LMF1: variants seen among roughly 807,000 people sequenced by gnomAD.
The protein encoded by LMF1 is transmembrane protein 112.
A neutral mutation model predicts 60.6 loss-of-function variants in LMF1; 68 were observed. The ratio of observed to expected loss-of-function variants is 1.12; its 90% CI spans 0.92 to 1.37. LMF1 has a LOEUF of 1.37. LMF1 is among the 40% of genes most tolerant of loss of function. The pLI is 0.00. For missense variants in LMF1, 948 were observed against 767.2 expected, an observed-to-expected ratio of 1.24 and a Z score of -2.78; for synonymous variants, 418 against 324.7, an observed-to-expected ratio of 1.29 and a Z score of -3.09.
In LMF1 at chr16:970,921, A is replaced by G. The variant is rs1216456142; in HGVS notation, c.60T>C (p.Thr20=). 6.3e-7 allele frequency: 1 copy of G among 1,576,834 alleles called. No homozygotes were observed. The highest frequency in any genetic ancestry group is 8.6e-7 in the Non-Finnish European group (1 of 1,161,028). ...APAESLRRRK[T]GYSDPEPESP... ...ACTCAGGCTCCGGATCCGAGTACCC[A>G]GTCTTCCGCCTCCTCAGCGACTCCG... Residue 20 remains threonine (T), a synonymous_variant, in exon 1 of 11, where the codon ACT becomes ACC. Coordinates refer to ENST00000262301, the MANE Select transcript of LMF1 (RefSeq NM_022773.4).
chr16:947,074 C>A (rs1278837450), intron 2 of LMF1, among the ~76,000 whole-genome samples: 2 of 152,220 alleles, frequency 1.3e-5, no homozygotes, highest in African/African-American at 2.4e-5. Flanking sequence ...CACACAGCAA[C>A]AGGATCAGGC....
At chr16:967,185 G>GC (rs947711314) in intron 1 of LMF1, among the ~76,000 whole-genome samples, 2 of 152,214 alleles carry the variant, frequency 1.3e-5, no homozygotes, top group African/African-American at 4.8e-5. Flanking sequence ...ACCTGGCCAG[G>GC]CCCCCTGGGA....
At chr16:930,799 C>T (rs889438241) in intron 3 of LMF1, among the ~76,000 whole-genome samples, 4 of 152,194 alleles carry the variant, frequency 2.6e-5, no homozygotes, top group African/African-American at 9.7e-5. Flanking sequence ...GGATCTTTGA[C>T]TGGCAGCCTC....
upstream of LMF1, chr16:975,625 A>T: frequency 2.7e-6 from 1 of 367,690 alleles, no homozygotes; most frequent in Admixed American, 3.6e-5. Flanking sequence ...GCTTTGCTGA[A>T]GGCTGTTGTC....
In LMF1 at chr16:871,199, T is replaced by C; in HGVS notation, c.1040A>G (p.Gln347Arg). Reference sequence around the variant, plus strand: ...GGGCCGGGCCCCTCGGATGTCCCTCTGCATCTGCAGAACTCGGTCCTTCAG... The same window carrying C: ...GGGCCGGGCCCCTCGGATGTCCCTCCGCATCTGCAGAACTCGGTCCTTCAG... ...GSLKDRVLQM[Q>R]RDIRGARPEP... Residue 347 changes from glutamine to arginine, a missense_variant, in exon 7 of 11, where the codon CAG becomes CGG. Transcript: ENST00000262301. 6.2e-7 allele frequency: 1 copy of C among 1,610,110 alleles called. No homozygotes were observed. The highest frequency in any genetic ancestry group is 8.5e-7 in the Non-Finnish European group (1 of 1,178,826).
chr16:972,871 T>C (rs1442061900), upstream of LMF1, among the ~76,000 whole-genome samples: 3 of 152,178 alleles, frequency 2.0e-5, no homozygotes, highest in African/African-American at 7.2e-5. Context: ...CTCTCTGAGC[T>C]CAAGTTTCCC....
At chr16:883,922 C>T (rs1313467060) in intron 5 of LMF1, 1 of 152,180 alleles carries the variant, frequency 6.6e-6, no homozygotes, top group Non-Finnish European at 1.5e-5. Flanking sequence ...TTTTTCAGCT[C>T]TTTTACATCC....
At chr16:872,819 C>T (rs2069840463) in intron 6 of LMF1, 1 of 152,314 alleles carries the variant, frequency 6.6e-6, no homozygotes, top group African/African-American at 2.4e-5. Flanking sequence ...GCAGATGGGA[C>T]CAAAGCGACC....
At chr16:905,929 A>AG (rs934569307) in intron 4 of LMF1, among the ~76,000 whole-genome samples, 1 of 151,910 alleles carries the variant, frequency 6.6e-6, no homozygotes, top group Non-Finnish European at 1.5e-5. Context: ...TTTATGGTTA[A>AG]TTTTTTTGTG....
chr16:860,970 G>T (rs150226158), intron 10 of LMF1, among the ~76,000 whole-genome samples: 1 of 151,874 alleles, frequency 6.6e-6, no homozygotes, highest in Non-Finnish European at 1.5e-5. Flanking sequence ...CATTTCCATA[G>T]AAAACTTGGG....
At chr16:943,029 G>C (rs537529476) in intron 2 of LMF1, among the ~76,000 whole-genome samples, 1 of 152,314 alleles carries the variant, frequency 6.6e-6, no homozygotes, top group Non-Finnish European at 1.5e-5. Flanking sequence ...TTTCAGTACA[G>C]ATACTGTACT....
At chr16:882,650 C>G (rs2070192189) in intron 5 of LMF1, among the ~76,000 whole-genome samples, 1 of 152,146 alleles carries the variant, frequency 6.6e-6, no homozygotes. Flanking sequence ...AGCTGCCCAG[C>G]AGAGGCCATC....
At chr16:881,508 A>G (rs2070162614) in intron 5 of LMF1, 1 of 152,290 alleles carries the variant, frequency 6.6e-6, no homozygotes, top group Non-Finnish European at 1.5e-5. Flanking sequence ...AACTTCTCCT[A>G]AAAAGACAAT....
intron 1 of LMF1, among the ~76,000 whole-genome samples, chr16:958,507 A>G (rs1277361202): frequency 1.3e-5 from 2 of 152,260 alleles, no homozygotes; most frequent in Admixed American, 1.3e-4. Flanking sequence ...AAGATGCTCA[A>G]CATCCTTCAT....
At chr16:863,039 C>G (rs183861093) in intron 10 of LMF1, among the ~76,000 whole-genome samples, 19 of 152,178 alleles carry the variant, frequency 1.2e-4, no homozygotes, top group African/African-American at 2.4e-5. Context: ...TTATTTCATA[C>G]CAGGTGAGTT....
chr16:867,139 A>G (rs1596852402), intron 10 of LMF1, among the ~76,000 whole-genome samples: 1 of 152,292 alleles, frequency 6.6e-6, no homozygotes, highest in East Asian at 1.9e-4. Context: ...TGGAGACGGG[A>G]GAGATGTGCC....
In LMF1 at chr16:874,271, C is replaced by T. The variant is rs1178425788; in HGVS notation, c.898-2930G>A. Among the ~76,000 whole-genome samples the T allele has an allele frequency of 2.1e-5, 3 of 141,626 alleles. No individual in the cohort carries two copies. The highest frequency in any genetic ancestry group is 4.6e-5 in the Non-Finnish European group (3 of 64,736). 92.9% of individuals were successfully genotyped at this position (141,626 alleles called of 152,430 possible). On this transcript the variant is annotated intron_variant, in intron 6 of 10. Transcript: ENST00000262301. The surrounding 1 kb of genome is among the most constrained non-coding windows in gnomAD (Gnocchi z 4.1). ...CCTCAGGACAGCCGGCCTGTGTGTG[C>T]GGGGCTGGCAGGGCCTCCGGGCCTC... is the stretch of plus-strand genomic sequence containing the variant.
At chr16:892,814 C>T (rs1392618311) in intron 5 of LMF1, among the ~76,000 whole-genome samples, 193 bp downstream of exon 5, 4 of 152,198 alleles carry the variant, frequency 2.6e-5, no homozygotes, top group Admixed American at 6.5e-5. Flanking sequence ...CCACAGACCC[C>T]GTCCCCGCAG....
At chr16:908,051 A>G (rs2071013981) in intron 4 of LMF1, among the ~76,000 whole-genome samples, 2 of 152,108 alleles carry the variant, frequency 1.3e-5, no homozygotes, top group Admixed American at 6.5e-5. Flanking sequence ...CTTCTCTCCC[A>G]GGGCTTCGGC....
Sources: allele counts gnomAD v4.1 joint callset (sites outside exome capture counted in the v4.1 genomes callset), GRCh38; gene constraint gnomAD v4.1.1; non-coding constraint Gnocchi (gnomAD v3.1); transcripts MANE v1.5; gene names NCBI Gene and HGNC (gene_info 2026-07-23, HGNC 2026-07-21).